Variants in ZNF676 observed in about 807,000 individuals in gnomAD.
The protein encoded by ZNF676 is zinc finger protein 676.
Under a neutral mutation model 6.0 loss-of-function variants are expected in ZNF676, and 4 were observed. That is an observed-to-expected ratio of 0.67 (90% CI 0.33 to 1.53). The LOEUF (loss-of-function observed/expected upper bound fraction) is 1.53. Among genes scored for constraint, ZNF676 ranks in the 40% most tolerant of loss-of-function variants. ZNF676 has a pLI of 0.06. For synonymous variants in ZNF676, 198 were observed against 223.1 expected, an observed-to-expected ratio of 0.89 and a Z score of 1.00; for missense variants, 644 against 679.7, an observed-to-expected ratio of 0.95 and a Z score of 0.58.
intron 2 of ZNF676, among the ~76,000 whole-genome samples, chr19:22,190,295 T>C (rs1302313489): frequency 2.0e-5 from 3 of 152,014 alleles, no homozygotes; most frequent in Non-Finnish European, 2.9e-5. Context: ...CAGCATCTTC[T>C]CAAATATACA....
At chr19:22,205,945 CAA>C (rs1361631650) in intron 1 of ZNF676, among the ~76,000 whole-genome samples, 2 of 151,208 alleles carry the variant, frequency 1.3e-5, no homozygotes, top group Admixed American at 6.6e-5. Flanking sequence ...TTAGAAATGA[CAA>C]AAAGAGACAT....
chr19:22,241,940 G>T, the ZNF676 span, among the ~76,000 whole-genome samples: 5 of 151,920 alleles, frequency 3.3e-5, no homozygotes, highest in South Asian at 2.1e-4. Context: ...CCTAATAATT[G>T]GTGGGGTGTG....
chr19:22,232,835 T>C, the ZNF676 span, among the ~76,000 whole-genome samples: 3 of 152,120 alleles, frequency 2.0e-5, no homozygotes, highest in Non-Finnish European at 4.4e-5. Flanking sequence ...AAGGTTGAGA[T>C]AAATATTTTG....
chr19:22,196,552 T>C, intron 1 of ZNF676, 48 bp downstream of exon 1: 1 of 1,613,024 alleles, frequency 6.2e-7, no homozygotes, highest in Non-Finnish European at 8.5e-7. Flanking sequence ...TGCAGCAAAA[T>C]GAAACCTGTA....
the ZNF676 span, among the ~76,000 whole-genome samples, chr19:22,256,641 C>A: frequency 6.6e-6 from 1 of 152,042 alleles, no homozygotes; most frequent in Non-Finnish European, 1.5e-5. Flanking sequence ...TGCCTCCTAT[C>A]CCCTATGTGT....
chr19:22,204,697 C>T (rs974591205), intron 1 of ZNF676, among the ~76,000 whole-genome samples: 8 of 152,106 alleles, frequency 5.3e-5, no homozygotes, highest in African/African-American at 2.4e-5. Context: ...GATCTTTGTG[C>T]TTAACTTTAT....
chr19:22,205,238 G>C (rs549809382), intron 1 of ZNF676, among the ~76,000 whole-genome samples: 16 of 152,218 alleles, frequency 1.1e-4, no homozygotes, highest in South Asian at 1.0e-3. Flanking sequence ...GGCACTAATG[G>C]AGAGATCATT....
At chr19:22,237,896 A>G in the ZNF676 span, among the ~76,000 whole-genome samples, 1 of 152,188 alleles carries the variant, frequency 6.6e-6, no homozygotes, top group Non-Finnish European at 1.5e-5. Flanking sequence ...CTGTGCATAC[A>G]TCTTTCATTG....
At chr19:22,183,113 A>G (rs1243663568) in intron 2 of ZNF676, among the ~76,000 whole-genome samples, 1 of 152,098 alleles carries the variant, frequency 6.6e-6, no homozygotes, top group Admixed American at 6.6e-5. Context: ...CCAAGATACC[A>G]CACAAAAAAA....
chr19:22,187,113 A>T (rs2023849634), intron 2 of ZNF676, among the ~76,000 whole-genome samples: 1 of 152,144 alleles, frequency 6.6e-6, no homozygotes, highest in African/African-American at 2.4e-5. Context: ...TAACCACATA[A>T]TTGGAAGTAA....
chr19:22,242,840 A>G, the ZNF676 span, among the ~76,000 whole-genome samples: 1 of 134,946 alleles, frequency 7.4e-6, no homozygotes, highest in Non-Finnish European at 1.5e-5. Context: ...CAATTACCCA[A>G]GTTGGGGGGG....
chr19:22,224,985 A>T, the ZNF676 span, among the ~76,000 whole-genome samples: 3 of 151,862 alleles, frequency 2.0e-5, no homozygotes, highest in African/African-American at 7.3e-5. Flanking sequence ...ACAAAGTGAG[A>T]CCCTCTGTCA....
chr19:22,195,293 G>A (rs553310728), intron 1 of ZNF676, among the ~76,000 whole-genome samples: 2 of 152,092 alleles, frequency 1.3e-5, no homozygotes, highest in Admixed American at 6.5e-5. Context: ...AACAGGAGCC[G>A]ATGTGTCAGT....
At chr19:22,248,641 C>A in the ZNF676 span, among the ~76,000 whole-genome samples, 3 of 152,172 alleles carry the variant, frequency 2.0e-5, no homozygotes, top group African/African-American at 7.2e-5. Context: ...CCCCAACCTG[C>A]CTCAGGCAAT....
At chr19:22,230,967 A>G in the ZNF676 span, among the ~76,000 whole-genome samples, 30 of 152,094 alleles carry the variant, frequency 2.0e-4, 1 homozygote, top group South Asian at 4.1e-4. Flanking sequence ...CAAAAAAAAA[A>G]GGGGGGATTA....
chr19:22,224,726 G>A, the ZNF676 span, among the ~76,000 whole-genome samples: 1 of 152,100 alleles, frequency 6.6e-6, no homozygotes, highest in African/African-American at 2.4e-5. Context: ...GCATGGTAGT[G>A]GCTCACCTCT....
the ZNF676 span, among the ~76,000 whole-genome samples, chr19:22,240,319 GC>G: frequency 1.1e-4 from 17 of 151,874 alleles, no homozygotes; most frequent in African/African-American, 4.1e-4. Context: ...TGGGTGCTGG[GC>G]CCAGTGATAT....
chr19:22,236,301 T>A, the ZNF676 span, among the ~76,000 whole-genome samples: 208 of 152,236 alleles, frequency 1.4e-3, no homozygotes, highest in Non-Finnish European at 2.4e-3. Context: ...ACTGGGGAAA[T>A]GACCACAGAG....
the ZNF676 span, among the ~76,000 whole-genome samples, chr19:22,245,709 A>G: frequency 1.3e-5 from 2 of 152,164 alleles, no homozygotes; most frequent in East Asian, 3.9e-4. Flanking sequence ...TCACATAACC[A>G]AAGTGATAAA....
Sources: gnomAD v4.1 joint callset for allele counts (sites outside exome capture counted in the v4.1 genomes callset) on GRCh38, gnomAD v4.1.1 for gene constraint, MANE v1.5 for transcripts, NCBI Gene and HGNC (gene_info 2026-07-23, HGNC 2026-07-21) for gene names.